Variants in FRMD4A observed in about 807,000 individuals in gnomAD.
FRMD4A encodes FERM domain-containing protein 4A.
Under a neutral mutation model 129.1 loss-of-function variants are expected in FRMD4A, and 29 were observed. The observed-to-expected ratio is 0.22, with a 90% CI of 0.17 to 0.31. The LOEUF is 0.31. Ranked by LOEUF, FRMD4A falls within the 10% of genes least tolerant of loss-of-function variation. The pLI is 1.00. For synonymous variants in FRMD4A, 634 were observed against 571.6 expected (o/e 1.11, Z -1.56); for missense variants, 1,272 against 1,375.8 (o/e 0.92, Z 1.19).
chr10:14,241,683 T>TAAAAAAAAAAAAAAAA lies in FRMD4A; in HGVS notation c.45+88359_45+88374dup, dbSNP rs71388168. On this transcript the variant is annotated intron_variant, in intron 2 of 24. Transcript: ENST00000357447. ...GGAGAGGGATTTGTTTTACCCTCCC[T>TAAAAAAAAAAAAAAAA]AAAAAAAAAAAAAAAAAAAAAAAAA... Among the ~76,000 whole-genome samples, 9 of 23,416 alleles carry TAAAAAAAAAAAAAAAA rather than the reference T, an allele frequency of 3.8e-4. 2 individuals are homozygous for TAAAAAAAAAAAAAAAA. Among genetic ancestry groups the TAAAAAAAAAAAAAAAA allele is most frequent in the East Asian group, 2.2e-3 (1 of 454 alleles). The allele number at this position is 23,416 out of a possible 152,430, so 15.4% of individuals were successfully genotyped here.
chr10:14,039,523 A>G (rs928045602), intron 2 of FRMD4A, among the ~76,000 whole-genome samples: 1 of 148,504 alleles, frequency 6.7e-6, no homozygotes, highest in African/African-American at 2.5e-5. Flanking sequence ...TCTATCTATC[A>G]TCTTGGAACC....
intron 2 of FRMD4A, among the ~76,000 whole-genome samples, chr10:14,254,318 T>C (rs1370990540): frequency 6.6e-6 from 1 of 152,242 alleles, no homozygotes; most frequent in Non-Finnish European, 1.5e-5. Flanking sequence ...GAGGATGATA[T>C]GTCAGGTTCT....
chr10:13,811,820 A>G (rs73579916), intron 3 of FRMD4A, among the ~76,000 whole-genome samples: 2,631 of 151,862 alleles, frequency 0.017, 59 homozygotes, highest in African/African-American at 0.058. Flanking sequence ...CATTGCCTCT[A>G]TGAAAATTAC....
intron 2 of FRMD4A, among the ~76,000 whole-genome samples, chr10:14,229,091 TTTTTTTGTTTG>T (rs1042305933): frequency 1.3e-5 from 2 of 152,042 alleles, no homozygotes; most frequent in African/African-American, 4.8e-5. Context: ...TTTCTTGTTT[TTTTTTTGTTTG>T]TTTTTTGTTT....
chr10:13,658,132 TAAA>T (rs565374030), intron 21 of FRMD4A, among the ~76,000 whole-genome samples: 1,748 of 81,290 alleles, frequency 0.022, 49 homozygotes, highest in African/African-American at 0.071. Flanking sequence ...CTGTCTCTCT[TAAA>T]AAAAAAAAAA....
At chr10:13,836,251 G>A (rs2093872464) in intron 3 of FRMD4A, among the ~76,000 whole-genome samples, 1 of 152,168 alleles carries the variant, frequency 6.6e-6, no homozygotes, top group African/African-American at 2.4e-5. Context: ...ACCTGCTTTG[G>A]CCTCCCAAAG....
intron 15 of FRMD4A, among the ~76,000 whole-genome samples, chr10:13,679,474 T>TACACACACACAC (rs59818032): frequency 0.014 from 452 of 31,450 alleles, 25 homozygotes; most frequent in East Asian, 0.061. Flanking sequence ...TATATATATA[T>TACACACACACAC]ACACACACAC....
At chr10:13,867,617 G>A (rs2094383849) in intron 2 of FRMD4A, among the ~76,000 whole-genome samples, 1 of 14,596 alleles carries the variant, frequency 6.9e-5, no homozygotes, top group Non-Finnish European at 1.5e-4. Flanking sequence ...TTATTATAAT[G>A]TATATGATAT....
intron 2 of FRMD4A, among the ~76,000 whole-genome samples, chr10:13,941,816 A>T (rs2095294717): frequency 6.6e-6 from 1 of 152,322 alleles, no homozygotes; most frequent in South Asian, 2.1e-4. Context: ...TTTTGCACAA[A>T]AACAGAAAGT....
rs563903952 is a variant in FRMD4A at position 13,943,509 on chromosome 10, G to A, written c.46-84597C>T. On this transcript the variant is annotated intron_variant, in intron 2 of 24. Coordinates refer to ENST00000357447, the MANE Select transcript of FRMD4A (RefSeq NM_018027.5). ...CTAAAAATACAAAAATTAGCTGGGCGTGGTGGCACGTGCCTGTAGTCCCAG... is the reference window on the plus strand; with the variant it reads ...CTAAAAATACAAAAATTAGCTGGGCATGGTGGCACGTGCCTGTAGTCCCAG... Among the ~76,000 whole-genome samples the A allele has an allele frequency of 4.6e-5, 7 of 151,512 alleles. No individual in the cohort carries two copies. In the South Asian group the frequency reaches 8.4e-4, roughly 18 times the overall value.
chr10:14,168,746 C>T (rs1841321701), intron 2 of FRMD4A, among the ~76,000 whole-genome samples: 1 of 152,152 alleles, frequency 6.6e-6, no homozygotes, highest in Admixed American at 6.5e-5. Context: ...ATTAACTTCT[C>T]AAAATGACCT....
At chr10:14,092,469 C>T (rs753998488) in intron 2 of FRMD4A, among the ~76,000 whole-genome samples, 6 of 152,314 alleles carry the variant, frequency 3.9e-5, no homozygotes, top group South Asian at 4.2e-4. Flanking sequence ...CTTGGGAGAA[C>T]ACACAAGGGC....
chr10:13,647,087 G>T, intron 24 of FRMD4A, 52 bp from the exon 25 acceptor site: 1 of 346,528 alleles, frequency 2.9e-6, no homozygotes, highest in African/African-American at 2.2e-5. Flanking sequence ...GGAGGAGGAT[G>T]GGTTCAGCCA....
intron 2 of FRMD4A, among the ~76,000 whole-genome samples, chr10:14,006,723 C>G (rs1201858565): frequency 2.0e-5 from 3 of 152,134 alleles, no homozygotes; most frequent in Non-Finnish European, 4.4e-5. Flanking sequence ...ACCATACAGA[C>G]CAAAGAGTTT....
intron 2 of FRMD4A, among the ~76,000 whole-genome samples, chr10:14,244,528 T>C (rs1844165342): frequency 6.6e-6 from 1 of 152,230 alleles, no homozygotes; most frequent in South Asian, 2.1e-4. Flanking sequence ...ATTTATATTA[T>C]AATTTGATGT....
At chr10:13,681,265 C>G (rs146910129) in intron 15 of FRMD4A, among the ~76,000 whole-genome samples, 1 of 152,304 alleles carries the variant, frequency 6.6e-6, no homozygotes, top group East Asian at 1.9e-4. Context: ...GGGTGTGTCT[C>G]ATCATTAACC....
At chr10:14,185,756 A>G (rs1446315624) in intron 2 of FRMD4A, among the ~76,000 whole-genome samples, 1 of 152,198 alleles carries the variant, frequency 6.6e-6, no homozygotes, top group African/African-American at 2.4e-5. Context: ...AGACCAGGCT[A>G]GTACCAGCCA....
intron 23 of FRMD4A, chr10:13,654,040 A>T (rs1032147799): frequency 9.7e-6 from 4 of 412,922 alleles, no homozygotes; most frequent in African/African-American, 8.2e-5. Context: ...TGCTGTCTTC[A>T]TCAGCTCTCT....
chr10:13,761,403 G>C lies in FRMD4A; in HGVS notation c.464+244C>G, dbSNP rs554204717. Among the ~76,000 whole-genome samples, 128 of 152,324 alleles carry C rather than the reference G, an allele frequency of 8.4e-4. 1 individual carries two copies. The highest frequency in any genetic ancestry group is 1.6e-3 in the Non-Finnish European group (107 of 68,040). On this transcript the variant is annotated intron_variant, in intron 8 of 24. Transcript: ENST00000357447. ...GGACAATGGGCATGTGTGACGCTGG[G>C]CCTAATGTCAGCTTTCCAGTAATCT...
Sources: allele counts gnomAD v4.1 joint callset (sites outside exome capture counted in the v4.1 genomes callset), GRCh38; gene constraint gnomAD v4.1.1; transcripts MANE v1.5; gene names NCBI Gene and HGNC (gene_info 2026-07-23, HGNC 2026-07-21).